The following WWOX variants were observed in gnomAD, a reference collection of about 807,000 sequenced individuals.
WWOX encodes WW domain-containing oxidoreductase.
A neutral mutation model predicts 46.2 loss-of-function variants in WWOX; 69 were observed. The observed-to-expected ratio is 1.49, with a 90% CI of 1.23 to 1.82. WWOX has a LOEUF of 1.82. Ranked by LOEUF, WWOX falls within the 40% of genes most tolerant of loss-of-function variation. WWOX has a pLI of 0.00. For synonymous variants in WWOX, 359 were observed against 202.6 expected, an observed-to-expected ratio of 1.77 and a Z score of -6.56; for missense variants, 919 against 542.6, an observed-to-expected ratio of 1.69 and a Z score of -6.89.
chr16:79,086,872 G>A (rs1407651232), intron 8 of WWOX, among the ~76,000 whole-genome samples: 1 of 152,182 alleles, frequency 6.6e-6, no homozygotes, highest in East Asian at 1.9e-4. Flanking sequence ...GACAGAGTGA[G>A]ACCCTGTCCC....
chr16:79,112,862 A>G (rs555884735), intron 8 of WWOX, among the ~76,000 whole-genome samples: 60 of 152,322 alleles, frequency 3.9e-4, no homozygotes, highest in African/African-American at 1.4e-3. Flanking sequence ...AAGTGAGCCA[A>G]GTGAGACCCA....
At chr16:78,448,743 C>T (rs898340516) in intron 8 of WWOX, among the ~76,000 whole-genome samples, 2 of 152,132 alleles carry the variant, frequency 1.3e-5, no homozygotes, top group Non-Finnish European at 2.9e-5. Flanking sequence ...GAGGAATAAT[C>T]ATGTCTTCTC....
intron 5 of WWOX, among the ~76,000 whole-genome samples, chr16:78,326,581 C>CG (rs1233388094): frequency 1.1e-5 from 1 of 94,264 alleles, no homozygotes; most frequent in Non-Finnish European, 2.1e-5. Flanking sequence ...CCCCCCGCCC[C>CG]CCCCCCCCGC....
chr16:78,515,770 A>G (rs2043222232), intron 8 of WWOX, among the ~76,000 whole-genome samples: 1 of 152,184 alleles, frequency 6.6e-6, no homozygotes, highest in South Asian at 2.1e-4. Flanking sequence ...TTCTTCTGCA[A>G]AGGTAACTTA....
chr16:78,473,029 G>C (rs1352546896), intron 8 of WWOX, among the ~76,000 whole-genome samples: 2 of 152,148 alleles, frequency 1.3e-5, no homozygotes, highest in Admixed American at 1.3e-4. Context: ...GAAAAAATAT[G>C]AAAGGAAAAA....
At chr16:78,402,652 G>A (rs898703003) in intron 6 of WWOX, among the ~76,000 whole-genome samples, 1 of 152,170 alleles carries the variant, frequency 6.6e-6, no homozygotes, top group Non-Finnish European at 1.5e-5. Flanking sequence ...TTCCTGGGGA[G>A]AAACTTACAA....
chr16:78,570,465 T>A (rs889445127), intron 8 of WWOX, among the ~76,000 whole-genome samples: 1 of 152,174 alleles, frequency 6.6e-6, no homozygotes, highest in Non-Finnish European at 1.5e-5. Context: ...TACACCACCA[T>A]GCCTGCCTAA....
chr16:78,432,952 G>C (rs1206668460), intron 8 of WWOX, among the ~76,000 whole-genome samples, 200 bp downstream of exon 8: 1 of 152,144 alleles, frequency 6.6e-6, no homozygotes, highest in Non-Finnish European at 1.5e-5. Flanking sequence ...TGGAGGGCTG[G>C]GTAGAAGATG....
chr16:78,331,017 G>A (rs921377980), intron 5 of WWOX, among the ~76,000 whole-genome samples: 11 of 152,136 alleles, frequency 7.2e-5, no homozygotes, highest in Admixed American at 2.6e-4. Flanking sequence ...AAAGATTGGC[G>A]TTAAATTGAG....
intron 4 of WWOX, among the ~76,000 whole-genome samples, chr16:78,145,317 C>G (rs555753520): frequency 2.6e-5 from 4 of 152,212 alleles, no homozygotes; most frequent in Admixed American, 2.6e-4. Context: ...TTTGAGTCCT[C>G]AAACCTCAAA....
intron 8 of WWOX, among the ~76,000 whole-genome samples, chr16:78,782,179 C>T (rs1027084022): frequency 6.6e-6 from 1 of 152,126 alleles, no homozygotes; most frequent in African/African-American, 2.4e-5. Context: ...TCACCTTCAC[C>T]CTGTCCTTCC....
intron 5 of WWOX, among the ~76,000 whole-genome samples, chr16:78,267,570 A>T (rs955999092): frequency 6.6e-6 from 1 of 152,218 alleles, no homozygotes; most frequent in Non-Finnish European, 1.5e-5. Context: ...CTCGAGGGGA[A>T]TGAGCCCCTG....
At position 78,508,310 on chromosome 16, in the gene WWOX, C is replaced by CTT. The variant is rs60281450; in HGVS notation, c.1056+75587_1056+75588dup. ...ATAGGCGTGAGCCACTGCGCCCGGC[C>CTT]TTTTTTTTTTTTTTTTTTTTTTTTT... On this transcript the variant is annotated intron_variant, in intron 8 of 8. Transcript: ENST00000566780. Among the ~76,000 whole-genome samples the CTT allele has an allele frequency of 7.6e-4, 86 of 112,758 alleles. 3 individuals carry two copies. Among genetic ancestry groups the CTT allele is most frequent in the African/African-American group, 2.6e-3 (61 of 23,410 alleles). The allele number at this position is 112,758 out of a possible 152,430, so 74.0% of individuals were successfully genotyped here. A position where few individuals can be genotyped will look rare whatever the true frequency, so the allele number is the denominator to read the frequency against.
chr16:78,848,596 G>A (rs960889308), intron 8 of WWOX, among the ~76,000 whole-genome samples: 1 of 152,124 alleles, frequency 6.6e-6, no homozygotes, highest in Non-Finnish European at 1.5e-5. Context: ...AGGAAACAGG[G>A]TGCAGAGTGG....
intron 5 of WWOX, among the ~76,000 whole-genome samples, chr16:78,337,822 C>T (rs2080928463): frequency 1.7e-5 from 1 of 59,700 alleles, no homozygotes; most frequent in African/African-American, 4.9e-5. Context: ...ATCCTATTTC[C>T]CTTTTGTTTC....
In WWOX at chr16:78,413,107, C is replaced by T. The variant is rs149941482; in HGVS notation, c.606-11763C>T. ...GCTGGACAGAGCTGATTTATCAAGA[C>T]GGGGGTACTGCAAATAGAGAAAGAA... On this transcript the variant is annotated intron_variant, in intron 6 of 8. Coordinates refer to ENST00000566780, the MANE Select transcript of WWOX (RefSeq NM_016373.4). Among the ~76,000 whole-genome samples the T allele has an allele frequency of 8.5e-3, 1,289 of 152,168 alleles. 12 individuals carry two copies. Among genetic ancestry groups the T allele is most frequent in the South Asian group, 0.015 (72 of 4,818 alleles).
intron 5 of WWOX, among the ~76,000 whole-genome samples, chr16:78,365,233 C>T (rs1011380274): frequency 6.6e-6 from 1 of 152,152 alleles, no homozygotes; most frequent in Non-Finnish European, 1.5e-5. Context: ...TCTGTGTCAC[C>T]TTCTGACATT....
At chr16:78,167,505 G>GA (rs1444693803) in intron 5 of WWOX, 1 of 152,190 alleles carries the variant, frequency 6.6e-6, no homozygotes, top group Non-Finnish European at 1.5e-5. Context: ...CGGGGACACA[G>GA]AAAAAGGAAA....
chr16:78,141,629 C>T lies in WWOX; in HGVS notation c.410-22554C>T, dbSNP rs114703914. Among the ~76,000 whole-genome samples, 569 of 152,114 alleles carry T rather than the reference C, an allele frequency of 3.7e-3. 6 individuals are homozygous for T. The highest frequency in any genetic ancestry group is 0.012 in the African/African-American group (517 of 41,484). On this transcript the variant is annotated intron_variant, in intron 4 of 8. Transcript: ENST00000566780. Reference sequence around the variant, plus strand: ...GAATTGTAATCATTAGTAGCAGTTACGTAGACATACTTCCATTAAATACAC... The same window carrying T: ...GAATTGTAATCATTAGTAGCAGTTATGTAGACATACTTCCATTAAATACAC...
Sources: gnomAD v4.1 joint callset for allele counts (sites outside exome capture counted in the v4.1 genomes callset) on GRCh38, gnomAD v4.1.1 for gene constraint, MANE v1.5 for transcripts, NCBI Gene and HGNC (gene_info 2026-07-23, HGNC 2026-07-21) for gene names.